Variants in FAM193B observed in about 807,000 individuals in gnomAD.
FAM193B encodes protein FAM193B.
A neutral mutation model predicts 70.7 loss-of-function variants in FAM193B; 27 were observed. The observed-to-expected ratio is 0.38, with a 90% CI of 0.28 to 0.53. The LOEUF (loss-of-function observed/expected upper bound fraction) is 0.53, where lower values mean the gene tolerates loss of function less well. Among genes scored for constraint, FAM193B ranks in the 20% least tolerant of loss-of-function variants. FAM193B has a pLI of 0.81. For missense variants in FAM193B, 1,022 were observed against 1,072.5 expected, an observed-to-expected ratio of 0.95 and a Z score of 0.66; for synonymous variants, 448 against 436.0, an observed-to-expected ratio of 1.03 and a Z score of -0.34.
chr5:177,524,206 C>T lies in FAM193B; in HGVS notation c.2275G>A (p.Glu759Lys), dbSNP rs1196080693. Residue 759 changes from glutamate (E) to lysine (K), a missense_variant, in exon 6 of 9, where the codon GAG becomes AAG. Coordinates refer to ENST00000514747, the MANE Select transcript of FAM193B (RefSeq NM_001190946.3). ...TCACCCAAGGAGGAGGCTGGCTTCT[C>T]CTGCTTGTTGCGGCTCCGGCGGCTG... ...GRSRRSRNKQ[E>K]KPASSLDDVF... 6.4e-7 allele frequency: 1 copy of T among 1,556,364 alleles called. No individual in the cohort carries two copies. The highest frequency in any genetic ancestry group is 8.7e-7 in the Non-Finnish European group (1 of 1,151,020).
chr5:177,554,105 G>T, intron 1 of FAM193B, 144 bp downstream of exon 1: 3 of 1,399,210 alleles, frequency 2.1e-6, no homozygotes, highest in African/African-American at 1.5e-5. Context: ...CGCCCCGGGG[G>T]AGAAAGCTTC....
At chr5:177,531,524 G>T in intron 5 of FAM193B, 1 of 1,292,522 alleles carries the variant, frequency 7.7e-7, no homozygotes, top group African/African-American at 1.5e-5. Context: ...GCGGGTGGCT[G>T]GGGGTGGGGG....
At chr5:177,531,414 G>A (rs761712272) in intron 5 of FAM193B, 3 of 1,360,824 alleles carry the variant, frequency 2.2e-6, no homozygotes, top group Non-Finnish European at 2.0e-6. Flanking sequence ...CAGGGATCCC[G>A]CCCAGGGTGC....
At chr5:177,548,222 A>G (rs1476492947) in intron 1 of FAM193B, among the ~76,000 whole-genome samples, 8 of 152,166 alleles carry the variant, frequency 5.3e-5, no homozygotes, top group Non-Finnish European at 8.8e-5. Context: ...TCTAGAATAG[A>G]GCTTATCATA....
Position 177,526,532 on chromosome 5 carries a change from TAA to T in FAM193B, c.1276-1329_1276-1328del, listed in dbSNP as rs538618277. On this transcript the variant is annotated intron_variant, in intron 5 of 8. Transcript: ENST00000514747. ...AGATTTCACAGAAAAGTTTGGCTGC[TAA>T]AAAAAAAAAAGTTTGACAACTGCTG... Among the ~76,000 whole-genome samples the T allele has an allele frequency of 2.1e-3, 297 of 142,118 alleles. 1 individual carries two copies. Among genetic ancestry groups the T allele is most frequent in the African/African-American group, 7.0e-3 (272 of 38,652 alleles). 93.2% of individuals were successfully genotyped at this position (142,118 alleles called of 152,430 possible).
chr5:177,534,568 C>T (rs1308686686), intron 4 of FAM193B, among the ~76,000 whole-genome samples: 1 of 151,962 alleles, frequency 6.6e-6, no homozygotes, highest in Non-Finnish European at 1.5e-5. Context: ...TCCCAAAGTG[C>T]TGGGATTACA....
At position 177,554,494 on chromosome 5, in the gene FAM193B, GCCGCCGCCGCCGCCGC is replaced by G. The variant is rs1351779872; in HGVS notation, c.-52_-37del. The G allele has an allele frequency of 4.1e-4, 289 of 703,618 alleles. 5 individuals are homozygous for G. Among genetic ancestry groups the G allele is most frequent in the South Asian group, 3.1e-3 (47 of 15,048 alleles). 43.6% of individuals were successfully genotyped at this position (703,618 alleles called of 1,614,324 possible). On this transcript the variant is annotated 5_prime_UTR_variant, in exon 1 of 9. Coordinates refer to ENST00000514747, the MANE Select transcript of FAM193B (RefSeq NM_001190946.3). ...GCGCCGCTCCCTCGCTCCACACGCC[GCCGCCGCCGCCGCCGC>G]CGCCGCCGCCGCCGCCGCCGCTACC...
Position 177,554,508 on chromosome 5 carries a change from C to CGCT in FAM193B, c.-51_-50insAGC. 1 of 875,696 alleles carries CGCT rather than the reference C, an allele frequency of 1.1e-6. No individual in the cohort carries two copies. Among genetic ancestry groups the CGCT allele is most frequent in the Non-Finnish European group, 1.4e-6 (1 of 728,580 alleles). 54.2% of individuals were successfully genotyped at this position (875,696 alleles called of 1,614,324 possible). On this transcript the variant is annotated 5_prime_UTR_variant, in exon 1 of 9. Coordinates refer to ENST00000514747, the MANE Select transcript of FAM193B (RefSeq NM_001190946.3). ...CTCCACACGCCGCCGCCGCCGCCGC[C>CGCT]GCCGCCGCCGCCGCCGCCGCCGCTA... is the stretch of plus-strand genomic sequence containing the variant.
At chr5:177,540,738 G>C (rs1764757022) in intron 1 of FAM193B, among the ~76,000 whole-genome samples, 1 of 152,154 alleles carries the variant, frequency 6.6e-6, no homozygotes, top group Non-Finnish European at 1.5e-5. Flanking sequence ...AAGTGGTATT[G>C]TTTTAAACCA....
At chr5:177,545,798 C>T (rs1765359289) in intron 1 of FAM193B, among the ~76,000 whole-genome samples, 1 of 152,182 alleles carries the variant, frequency 6.6e-6, no homozygotes, top group Non-Finnish European at 1.5e-5. Flanking sequence ...ATTGAATTTC[C>T]AGCACTCAGC....
In FAM193B at chr5:177,524,495, G is replaced by GGGA; in HGVS notation, c.1983_1985dup (p.Pro662dup). 7 of 1,612,938 alleles carry GGGA rather than the reference G, an allele frequency of 4.3e-6. No individual in the cohort carries two copies. The highest frequency in any genetic ancestry group is 5.1e-6 in the Non-Finnish European group (6 of 1,179,702). On this transcript the variant is annotated inframe_insertion, in exon 6 of 9. Coordinates refer to ENST00000514747, the MANE Select transcript of FAM193B (RefSeq NM_001190946.3). The stretch of plus-strand genomic sequence containing the variant: ...GGCCAGCGACCTGGCCCTTGGCACT[G>GGGA]GGAACCTCTAGGCTGGCTGGGGGCC...
chr5:177,553,668 TG>T (rs1222966678), intron 1 of FAM193B: 2 of 1,284,192 alleles, frequency 1.6e-6, no homozygotes, highest in Non-Finnish European at 2.0e-6. Flanking sequence ...CAGGTTCTGC[TG>T]GGTTTCCACC....
At chr5:177,520,622 CAGT>C (rs1315883552) in intron 8 of FAM193B, among the ~76,000 whole-genome samples, 1 of 152,196 alleles carries the variant, frequency 6.6e-6, no homozygotes, top group Non-Finnish European at 1.5e-5. Context: ...CAAGAGGAGG[CAGT>C]GGAAGGAGAC....
chr5:177,543,974 C>A (rs1765138204), intron 1 of FAM193B, among the ~76,000 whole-genome samples: 1 of 152,246 alleles, frequency 6.6e-6, no homozygotes, highest in African/African-American at 2.4e-5. Context: ...CAGCCCTGGG[C>A]AGCAGCCCAT....
In FAM193B at chr5:177,554,524, GCCGCCGCTA is replaced by G; in HGVS notation, c.-75_-67del. On this transcript the variant is annotated 5_prime_UTR_variant, in exon 1 of 9. Coordinates refer to ENST00000514747, the MANE Select transcript of FAM193B (RefSeq NM_001190946.3). ...CGCCGCCGCCGCCGCCGCCGCCGCC[GCCGCCGCTA>G]CCGCTCCCCTCACAGGACAACAGCC... 3.0e-5 allele frequency: 27 copies of G among 915,208 alleles called. No individual in the cohort carries two copies. Among genetic ancestry groups the G allele is most frequent in the Non-Finnish European group, 3.4e-5 (26 of 762,710 alleles). 56.7% of individuals were successfully genotyped at this position (915,208 alleles called of 1,614,324 possible).
In FAM193B at chr5:177,525,191, G is replaced by A. The variant is rs764038751; in HGVS notation, c.1290C>T (p.Ala430=). The change falls in exon 6 of 9, where the codon GCC becomes GCT. Residue 430 remains alanine, a synonymous_variant. Transcript: ENST00000514747. ...GCTTTAGAGCTTCTGCTGCCAACTG[G>A]GCCTTCTCCTTTTCCTGCCAAGGCA... ...FFGHNAEKEK[A]QLAAEALKQA... The A allele has an allele frequency of 6.9e-7, 1 of 1,458,038 alleles. No homozygotes were observed. The highest frequency in any genetic ancestry group is 9.1e-7 in the Non-Finnish European group (1 of 1,101,036). The allele number at this position is 1,458,038 out of a possible 1,614,324, so 90.3% of individuals were successfully genotyped here.
In FAM193B at chr5:177,523,938, G is replaced by A. The variant is rs368416273; in HGVS notation, c.2372+19C>T. The stretch of plus-strand genomic sequence containing the variant: ...CCTGGAGTCCTCCACAAGTGGGAGA[G>A]CAGGCAGCCCACACCTACCTCTTAA... On this transcript the variant is annotated intron_variant, in intron 7 of 8. Coordinates refer to ENST00000514747, the MANE Select transcript of FAM193B (RefSeq NM_001190946.3). 1.2e-6 allele frequency: 2 copies of A among 1,612,098 alleles called. No homozygotes were observed. The highest frequency in any genetic ancestry group is 2.7e-5 in the African/African-American group (2 of 74,932).
At position 177,532,752 on chromosome 5, in the gene FAM193B, G is replaced by A. The variant is rs1763674655; in HGVS notation, c.1077-111C>T. 1 of 1,044,162 alleles carries A rather than the reference G, an allele frequency of 9.6e-7. No homozygotes were observed. The highest frequency in any genetic ancestry group is 1.6e-5 in the African/African-American group (1 of 61,146). The allele number at this position is 1,044,162 out of a possible 1,614,324, so 64.7% of individuals were successfully genotyped here. ...CGCCCTTCACTTGCCCCACTCCACA[G>A]AGGTCCCAGGTGGTCCAACTACATT... is the stretch of plus-strand genomic sequence containing the variant. On this transcript the variant is annotated intron_variant, in intron 4 of 8. Transcript: ENST00000514747. The surrounding 1 kb of genome is among the most constrained non-coding windows in gnomAD (Gnocchi z 4.9).
chr5:177,538,906 G>T lies in FAM193B; in HGVS notation c.452C>A (p.Ala151Glu). The T allele has an allele frequency of 1.9e-6, 3 of 1,613,874 alleles. No homozygotes were observed. Among genetic ancestry groups the T allele is most frequent in the Non-Finnish European group, 2.5e-6 (3 of 1,179,778 alleles). The change falls in exon 2 of 9, where the codon GCG becomes GAG. Residue 151 changes from alanine to glutamate, a missense_variant and splice_region_variant. Ala to Glu is a moderately radical substitution (Grantham distance 107). Coordinates refer to ENST00000514747, the MANE Select transcript of FAM193B (RefSeq NM_001190946.3). The surrounding 1 kb of genome is among the most constrained non-coding windows in gnomAD (Gnocchi z 4.1). ...ERQTGREHAVAISLSHTSCKS... is the reference protein window; with the variant it reads ...ERQTGREHAVEISLSHTSCKS... ...GGACCCCTGTCAGCGGTTACCTACC[G>T]CCACTGCATGTTCTCGACCTGTCTG...
Sources: gnomAD v4.1 joint callset for allele counts (sites outside exome capture counted in the v4.1 genomes callset) on GRCh38, gnomAD v4.1.1 for gene constraint, Gnocchi (gnomAD v3.1) non-coding constraint, MANE v1.5 for transcripts, NCBI Gene and HGNC (gene_info 2026-07-23, HGNC 2026-07-21) for gene names.